Variants in SLCO1B1 observed in about 807,000 individuals in gnomAD.
SLCO1B1 encodes the protein solute carrier organic anion transporter family member 1B1.
A neutral mutation model predicts 70.1 loss-of-function variants in SLCO1B1; 81 were observed. That is an observed-to-expected ratio of 1.16 (90% CI 0.97 to 1.39). SLCO1B1 has a LOEUF of 1.39. Ranked by LOEUF, SLCO1B1 falls within the 40% of genes most tolerant of loss-of-function variation. The pLI is 0.00. For missense variants in SLCO1B1, 895 were observed against 799.6 expected (o/e 1.12, Z -1.44); for synonymous variants, 283 against 271.5 (o/e 1.04, Z -0.42).
chr12:21,218,202 C>T (rs1463684259), intron 12 of SLCO1B1, among the ~76,000 whole-genome samples: 2 of 152,042 alleles, frequency 1.3e-5, no homozygotes, highest in African/African-American at 4.8e-5. Flanking sequence ...TGAAAAGAAG[C>T]TGGCAGATTG....
intron 1 of SLCO1B1, among the ~76,000 whole-genome samples, chr12:21,139,538 T>C (rs907029620): frequency 1.3e-5 from 2 of 152,094 alleles, no homozygotes; most frequent in African/African-American, 4.8e-5. Flanking sequence ...ATGTATTATA[T>C]ATATTTATAT....
intron 14 of SLCO1B1, among the ~76,000 whole-genome samples, chr12:21,230,525 T>C (rs928690134): frequency 1.3e-4 from 19 of 151,970 alleles, no homozygotes; most frequent in African/African-American, 4.6e-4. Flanking sequence ...AGACAAGGTT[T>C]CTCCACGTTG....
intron 14 of SLCO1B1, among the ~76,000 whole-genome samples, chr12:21,233,127 A>G (rs10841767): frequency 0.13 from 20,397 of 152,074 alleles, 1,692 homozygotes; most frequent in Non-Finnish European, 0.18. Context: ...ATTGGTCCCT[A>G]TCATCTCTGA....
intron 11 of SLCO1B1, among the ~76,000 whole-genome samples, chr12:21,210,586 A>G (rs1457510522): frequency 1.3e-5 from 2 of 149,036 alleles, no homozygotes; most frequent in South Asian, 2.2e-4. Flanking sequence ...GTATTTTCCA[A>G]TTCTGTGAAG....
intron 1 of SLCO1B1, among the ~76,000 whole-genome samples, chr12:21,133,009 G>A (rs1292914): frequency 0.89 from 134,267 of 151,470 alleles, 60,043 homozygotes; most frequent in South Asian, 0.97. Flanking sequence ...TAATTTTTGT[G>A]TAAGGTGTAA....
At chr12:21,236,358 G>T (rs945644924) in intron 14 of SLCO1B1, among the ~76,000 whole-genome samples, 4 of 152,156 alleles carry the variant, frequency 2.6e-5, no homozygotes, top group South Asian at 4.1e-4. Flanking sequence ...GGACATGTTT[G>T]CCAGGAATTG....
chr12:21,177,768 A>G (rs1228070221), intron 5 of SLCO1B1, among the ~76,000 whole-genome samples: 1 of 152,128 alleles, frequency 6.6e-6, no homozygotes, highest in Admixed American at 6.5e-5. Flanking sequence ...AACAACAAAA[A>G]AGAAATTAAA....
In SLCO1B1 at chr12:21,165,175, G is replaced by T. The variant is rs191263540; in HGVS notation, c.85-7475G>T. ...GCCATAATAAATTAATGACCGATCT[G>T]CCATGATTGCAGGCAAGTAGAGACT... is the stretch of plus-strand genomic sequence containing the variant. On this transcript the variant is annotated intron_variant, in intron 2 of 14. Transcript: ENST00000256958. Among the ~76,000 whole-genome samples the T allele has an allele frequency of 1.8e-4, 27 of 152,232 alleles. No homozygotes were observed. The South Asian group carries it at 5.0e-3, about 28-fold the overall frequency.
chr12:21,190,781 C>T (rs1278806550), intron 7 of SLCO1B1, among the ~76,000 whole-genome samples: 1 of 152,016 alleles, frequency 6.6e-6, no homozygotes, highest in Non-Finnish European at 1.5e-5. Flanking sequence ...TTTGGTTTTC[C>T]ATTCCTGAGT....
At position 21,137,478 on chromosome 12, in the gene SLCO1B1, A is replaced by T. The variant is rs538471823; in HGVS notation, c.-61-4036A>T. On this transcript the variant is annotated intron_variant, in intron 1 of 14. Coordinates refer to ENST00000256958, the MANE Select transcript of SLCO1B1 (RefSeq NM_006446.5). ...GTGTCCTTGAGCTGTGGTGGGCTCC[A>T]CCCAGTTCGAGCTTCCCAGCCGCTT... Among the ~76,000 whole-genome samples the T allele has an allele frequency of 1.3e-3, 198 of 152,270 alleles. 2 individuals are homozygous for T. Among genetic ancestry groups the T allele is most frequent in the Non-Finnish European group, 1.9e-4 (13 of 68,018 alleles).
intron 2 of SLCO1B1, among the ~76,000 whole-genome samples, chr12:21,163,896 A>G (rs1267934788): frequency 1.3e-5 from 2 of 152,072 alleles, no homozygotes; most frequent in Admixed American, 6.6e-5. Context: ...TTTGCCCAGC[A>G]AGAGTATGTA....
chr12:21,141,705 C>A (rs1234870909), intron 2 of SLCO1B1, 47 bp downstream of exon 2: 1 of 1,190,838 alleles, frequency 8.4e-7, no homozygotes, highest in Non-Finnish European at 1.2e-6. Flanking sequence ...AAATAGGGAA[C>A]TTTAATGTAT....
intron 6 of SLCO1B1, 93 bp from the exon 7 acceptor site, chr12:21,178,829 G>C: frequency 5.3e-6 from 7 of 1,323,742 alleles, no homozygotes; most frequent in Non-Finnish European, 7.6e-6. Context: ...ATATATTTGG[G>C]TATATGTATT....
At chr12:21,161,806 G>C (rs1940623049) in intron 2 of SLCO1B1, among the ~76,000 whole-genome samples, 1 of 152,110 alleles carries the variant, frequency 6.6e-6, no homozygotes, top group Non-Finnish European at 1.5e-5. Context: ...TCGGGGGTTT[G>C]AGATCAGCCT....
At chr12:21,137,494 C>T (rs557337274) in intron 1 of SLCO1B1, among the ~76,000 whole-genome samples, 18 of 152,280 alleles carry the variant, frequency 1.2e-4, no homozygotes, top group African/African-American at 3.4e-4. Context: ...TTCGAGCTTC[C>T]CAGCCGCTTT....
intron 11 of SLCO1B1, among the ~76,000 whole-genome samples, chr12:21,209,776 T>C (rs2121163145): frequency 6.6e-6 from 1 of 151,564 alleles, no homozygotes; most frequent in Non-Finnish European, 1.5e-5. Flanking sequence ...TGGTATCTCA[T>C]TGTGGTTTTG....
intron 2 of SLCO1B1, among the ~76,000 whole-genome samples, chr12:21,172,243 C>T (rs1428286739): frequency 2.0e-5 from 3 of 152,132 alleles, no homozygotes; most frequent in African/African-American, 7.2e-5. Context: ...TTTCAGCTGG[C>T]TTCCTGGAAA....
At chr12:21,185,677 A>G (rs1940955956) in intron 7 of SLCO1B1, among the ~76,000 whole-genome samples, 1 of 151,990 alleles carries the variant, frequency 6.6e-6, no homozygotes, top group Non-Finnish European at 1.5e-5. Flanking sequence ...TTGCACTTAC[A>G]CTAACTAGAA....
At chr12:21,238,548 G>T (rs1941617045) in intron 14 of SLCO1B1, among the ~76,000 whole-genome samples, 1 of 151,672 alleles carries the variant, frequency 6.6e-6, no homozygotes, top group African/African-American at 2.4e-5. Flanking sequence ...AAAAGGAACT[G>T]CTTTGATAAG....
Sources: allele counts gnomAD v4.1 joint callset (sites outside exome capture counted in the v4.1 genomes callset), GRCh38; gene constraint gnomAD v4.1.1; transcripts MANE v1.5; gene names NCBI Gene and HGNC (gene_info 2026-07-23, HGNC 2026-07-21).